The following RB1 variants were observed in gnomAD, a reference collection of about 807,000 sequenced individuals.
RB1 encodes the protein RB transcriptional corepressor 1.
Under a neutral mutation model 135.4 loss-of-function variants are expected in RB1, and 18 were observed. That is an observed-to-expected ratio of 0.13 (90% confidence interval 0.09 to 0.20). RB1 has a LOEUF of 0.20. Among genes scored for constraint, RB1 ranks in the 10% least tolerant of loss-of-function variants. RB1 has a pLI of 1.00. For synonymous variants in RB1, 365 were observed against 373.2 expected (o/e 0.98, Z 0.25); for missense variants, 868 against 1,110.0 (o/e 0.78, Z 3.10).
At chr13:48,325,604 C>T (rs1952280804) in intron 2 of RB1, among the ~76,000 whole-genome samples, 1 of 152,188 alleles carries the variant, frequency 6.6e-6, no homozygotes, top group Non-Finnish European at 1.5e-5. Context: ...TCTAGTTTTG[C>T]ATTATTCTAC....
chr13:48,360,749 C>G (rs1194632369), intron 7 of RB1: 3 of 152,054 alleles, frequency 2.0e-5, no homozygotes, highest in African/African-American at 7.2e-5. Flanking sequence ...AGGTATATTC[C>G]TTTTAGCCTA....
intron 11 of RB1, among the ~76,000 whole-genome samples, chr13:48,369,024 A>G (rs36075905): frequency 0.042 from 6,398 of 152,186 alleles, 207 homozygotes; most frequent in Non-Finnish European, 0.066. Context: ...AAATGTGTAT[A>G]TATAATCTTT....
At chr13:48,317,615 T>G (rs1465881895) in intron 2 of RB1, 1 of 485,190 alleles carries the variant, frequency 2.1e-6, no homozygotes, top group Non-Finnish European at 3.4e-6. Flanking sequence ...TCTTTCTGAA[T>G]GTAAACATTT....
In RB1 at chr13:48,381,173, T is replaced by C. The variant is rs1041581843; in HGVS notation, c.1499-74T>C. The C allele has an allele frequency of 2.0e-6, 3 of 1,507,632 alleles. No individual in the cohort carries two copies. The African/African-American group carries it at 4.3e-5, about 22-fold the overall frequency. 93.4% of individuals were successfully genotyped at this position (1,507,632 alleles called of 1,614,324 possible). Reference sequence around the variant, plus strand: ...CCTTTCTACTGTTTTCTTTGTCTGATAATAACTTCCAAAAAAATACCTAGC... The same window carrying C: ...CCTTTCTACTGTTTTCTTTGTCTGACAATAACTTCCAAAAAAATACCTAGC... On this transcript the variant is annotated intron_variant, in intron 16 of 26. Coordinates refer to ENST00000267163, the MANE Select transcript of RB1 (RefSeq NM_000321.3).
At chr13:48,396,326 C>A (rs1295831442) in intron 17 of RB1, among the ~76,000 whole-genome samples, 1 of 152,068 alleles carries the variant, frequency 6.6e-6, no homozygotes, top group African/African-American at 2.4e-5. Flanking sequence ...AGAACAGAGA[C>A]CTCAGAAATA....
intron 6 of RB1, among the ~76,000 whole-genome samples, chr13:48,352,202 GA>G (rs935460075): frequency 6.6e-6 from 1 of 151,802 alleles, no homozygotes; most frequent in Non-Finnish European, 1.5e-5. Context: ...ACATTATTCT[GA>G]AAAAAATGTG....
At chr13:48,344,945 T>C in intron 3 of RB1, 135 bp from the exon 4 acceptor site, 1 of 1,110,818 alleles carries the variant, frequency 9.0e-7, no homozygotes, top group Non-Finnish European at 1.3e-6. Flanking sequence ...CAAAAAGTAA[T>C]TCCTTCCAAA....
chr13:48,403,806 A>G (rs1347363237), intron 17 of RB1, among the ~76,000 whole-genome samples: 1 of 152,092 alleles, frequency 6.6e-6, no homozygotes, highest in East Asian at 1.9e-4. Flanking sequence ...ACATTTTAAG[A>G]ACATGAAACA....
intron 17 of RB1, chr13:48,408,646 G>C (rs944991956): frequency 1.3e-5 from 2 of 152,032 alleles, no homozygotes; most frequent in African/African-American, 4.8e-5. Flanking sequence ...CACTAGCAAA[G>C]GAAAATAAAT....
chr13:48,341,007 A>G (rs1952438325), intron 2 of RB1: 1 of 152,064 alleles, frequency 6.6e-6, no homozygotes, highest in Non-Finnish European at 1.5e-5. Context: ...CACTCATATA[A>G]TCACCACCAT....
intron 2 of RB1, among the ~76,000 whole-genome samples, chr13:48,310,622 C>T (rs975877319): frequency 6.6e-6 from 1 of 151,850 alleles, no homozygotes; most frequent in Non-Finnish European, 1.5e-5. Context: ...AGAAATACCC[C>T]AGAAAATTTT....
chr13:48,397,500 C>T (rs986489456), intron 17 of RB1, among the ~76,000 whole-genome samples: 2 of 151,806 alleles, frequency 1.3e-5, no homozygotes, highest in African/African-American at 4.8e-5. Context: ...TCAGGGGGTG[C>T]GGGTCTAAGG....
At chr13:48,324,363 C>A (rs1031145341) in intron 2 of RB1, among the ~76,000 whole-genome samples, 3 of 151,960 alleles carry the variant, frequency 2.0e-5, no homozygotes, top group Non-Finnish European at 4.4e-5. Flanking sequence ...CCTCTTTTAT[C>A]CTCCCATCCC....
intron 2 of RB1, chr13:48,328,655 ATTTCT>A: frequency 1.9e-6 from 1 of 528,280 alleles, no homozygotes; most frequent in East Asian, 3.4e-5. Flanking sequence ...GCTACAAGGT[ATTTCT>A]TTTAACTTTC....
In RB1 at chr13:48,481,537, T is replaced by C. The variant is rs1804280; in HGVS notation, c.*1466T>C. The C allele has an allele frequency of 4.3e-6, 1 of 231,010 alleles. No individual in the cohort carries two copies. 14.3% of individuals were successfully genotyped at this position (231,010 alleles called of 1,614,324 possible). On this transcript the variant is annotated 3_prime_UTR_variant, in exon 27 of 27. Transcript: ENST00000267163. ...TAGAAAACAAAATTTTATTTTGTGC[T>C]CATTTAAGTTTCAAACTTACTATTT...
chr13:48,472,616 A>C (rs1949478324), intron 23 of RB1, among the ~76,000 whole-genome samples: 1 of 152,118 alleles, frequency 6.6e-6, no homozygotes, highest in Admixed American at 6.6e-5. Context: ...TTCAGCAAAA[A>C]CGTCACATTC....
rs4151540 is a variant in RB1, at chr13:48,381,523, C to CAA, written c.1695+81_1695+82insAA. ...ATTGTTAGTGAGAGGTGTTTCTTAA[C>CAA]ATCTACCTCAAGAACATATAGGGAA... On this transcript the variant is annotated intron_variant, in intron 17 of 26. Transcript: ENST00000267163. 330,241 of 1,281,506 alleles carry CAA rather than the reference C, an allele frequency of 0.26. 45,161 individuals are homozygous for CAA. Among genetic ancestry groups the CAA allele is most frequent in the South Asian group, 0.27 (21,779 of 80,666 alleles). 79.4% of individuals were successfully genotyped at this position (1,281,506 alleles called of 1,614,324 possible).
rs1555286676 is a variant in RB1, at chr13:48,381,239, A to G, written c.1499-8A>G. 3 of 1,582,794 alleles carry G rather than the reference A, an allele frequency of 1.9e-6. No homozygotes were observed. The highest frequency in any genetic ancestry group is 1.4e-5 in the African/African-American group (1 of 72,734). The stretch of plus-strand genomic sequence containing the variant: ...TCATAAATAGTTACTTTTTTTTTTC[A>G]TTTTTAGGAAGTACATCTCAGAATC... On this transcript the variant is annotated splice_polypyrimidine_tract_variant and splice_region_variant and intron_variant, in intron 16 of 26. Coordinates refer to ENST00000267163, the MANE Select transcript of RB1 (RefSeq NM_000321.3).
intron 17 of RB1, among the ~76,000 whole-genome samples, chr13:48,442,325 C>T (rs997252368): frequency 4.6e-5 from 7 of 152,064 alleles, no homozygotes; most frequent in Admixed American, 3.3e-4. Context: ...CTCAGCCTCC[C>T]GAGTAGCTGG....
Sources: gnomAD v4.1 joint callset for allele counts (sites outside exome capture counted in the v4.1 genomes callset) on GRCh38, gnomAD v4.1.1 for gene constraint, MANE v1.5 for transcripts, NCBI Gene and HGNC (gene_info 2026-07-23, HGNC 2026-07-21) for gene names.